INSC: variants seen among roughly 807,000 people sequenced by gnomAD.
The protein encoded by INSC is INSC spindle orientation adaptor protein.
INSC carries 67 observed loss-of-function variants against 58.6 expected under a neutral mutation model. The observed-to-expected ratio is 1.14, with a 90% CI of 0.94 to 1.40. The LOEUF (loss-of-function observed/expected upper bound fraction) is 1.40, where lower values mean the gene tolerates loss of function less well. INSC is among the 40% of genes most tolerant of loss of function. The pLI is 0.00. For missense variants in INSC, 714 were observed against 692.0 expected (o/e 1.03, Z -0.36); for synonymous variants, 262 against 276.1 (o/e 0.95, Z 0.51).
At chr11:15,112,125 A>G (rs1380666909), upstream of INSC, among the ~76,000 whole-genome samples, 2 of 152,222 alleles carry the variant, frequency 1.3e-5, no homozygotes, top group Non-Finnish European at 2.9e-5. Flanking sequence ...GTGTGTTTAT[A>G]TAGCCAGACA....
chr11:15,257,098 T>C, the INSC span, among the ~76,000 whole-genome samples: 2 of 152,214 alleles, frequency 1.3e-5, no homozygotes, highest in Non-Finnish European at 2.9e-5. Context: ...TCCTTAATGA[T>C]AGAACCTGCT....
chr11:15,243,491 G>A (rs899366476), intron 12 of INSC, among the ~76,000 whole-genome samples: 2 of 152,158 alleles, frequency 1.3e-5, no homozygotes, highest in African/African-American at 4.8e-5. Context: ...ATGACTAGCT[G>A]TTTAACCCTC....
At chr11:15,240,589 A>T in intron 12 of INSC, 66 bp downstream of exon 12, 1 of 1,367,146 alleles carries the variant, frequency 7.3e-7, no homozygotes. Flanking sequence ...GGGCCAGGAG[A>T]ACCGGCTGTG....
Position 15,245,908 on chromosome 11 carries a change from C to T in INSC, c.1471-4C>T, listed in dbSNP as rs755363367. On this transcript the variant is annotated splice_polypyrimidine_tract_variant and splice_region_variant and intron_variant, in intron 12 of 12. Coordinates refer to ENST00000379556, the MANE Select transcript of INSC (RefSeq NM_001042536.3). ...ACGTGTCACCTCTTCTGTCTTCTCC[C>T]CAGGCTGCTCTGCGTAGATTGGCTG... 2 of 1,613,808 alleles carry T rather than the reference C, an allele frequency of 1.2e-6. No homozygotes were observed. The highest frequency in any genetic ancestry group is 3.3e-5 in the Admixed American group (2 of 60,010).
At chr11:15,120,257 G>A (rs1352944857) in intron 1 of INSC, among the ~76,000 whole-genome samples, 2 of 152,188 alleles carry the variant, frequency 1.3e-5, no homozygotes, top group African/African-American at 4.8e-5. Flanking sequence ...TGCTGTGCCA[G>A]GGTCTGTGCA....
At chr11:15,202,092 A>AT (rs1850615899) in intron 7 of INSC, among the ~76,000 whole-genome samples, 1 of 152,222 alleles carries the variant, frequency 6.6e-6, no homozygotes, top group Non-Finnish European at 1.5e-5. Flanking sequence ...CATTTTACAG[A>AT]TGACAAGGCT....
At chr11:15,160,230 C>T (rs1848969837) in intron 2 of INSC, among the ~76,000 whole-genome samples, 1 of 152,136 alleles carries the variant, frequency 6.6e-6, no homozygotes, top group Non-Finnish European at 1.5e-5. Flanking sequence ...CAAAGGACTC[C>T]TTCAGAAGAG....
At chr11:15,168,900 ATG>A (rs1849295114) in intron 2 of INSC, among the ~76,000 whole-genome samples, 1 of 152,154 alleles carries the variant, frequency 6.6e-6, no homozygotes, top group African/African-American at 2.4e-5. Context: ...CAATATTATG[ATG>A]TGTTCACTTC....
chr11:15,212,112 T>G (rs1035261742), intron 7 of INSC, among the ~76,000 whole-genome samples: 3 of 152,222 alleles, frequency 2.0e-5, no homozygotes, highest in African/African-American at 7.2e-5. Flanking sequence ...GACATAGTTT[T>G]TTTTTTGGAG....
chr11:15,169,186 C>G (rs964346948), intron 2 of INSC, among the ~76,000 whole-genome samples: 2 of 66,902 alleles, frequency 3.0e-5, no homozygotes, highest in African/African-American at 7.9e-5. Context: ...CATGAGGGGC[C>G]TCAGAGGGAG....
At chr11:15,236,112 A>G (rs552044928) in intron 10 of INSC, among the ~76,000 whole-genome samples, 1 of 151,310 alleles carries the variant, frequency 6.6e-6, no homozygotes, top group African/African-American at 2.4e-5. Context: ...GCCTGAGCAT[A>G]TATGTGTGTG....
intron 8 of INSC, 109 bp from the exon 9 acceptor site, chr11:15,225,540 AT>A: frequency 2.7e-6 from 3 of 1,105,396 alleles, no homozygotes; most frequent in Non-Finnish European, 3.8e-6. Context: ...TAAAATGGGT[AT>A]TATAACACCT....
chr11:15,199,825 C>A (rs1028019992), intron 6 of INSC, among the ~76,000 whole-genome samples: 8 of 152,308 alleles, frequency 5.3e-5, no homozygotes, highest in Middle Eastern at 6.8e-3. Context: ...AGGGAAAGAT[C>A]TGGGCAAAGC....
intron 10 of INSC, among the ~76,000 whole-genome samples, chr11:15,238,025 G>C (rs1852196756): frequency 6.6e-6 from 1 of 152,156 alleles, no homozygotes; most frequent in South Asian, 2.1e-4. Flanking sequence ...GTGCAGAAGA[G>C]GGGAGTGTGG....
At position 15,182,280 on chromosome 11, in the gene INSC, A is replaced by G. The variant is rs150275713; in HGVS notation, c.579+3833A>G. Among the ~76,000 whole-genome samples, 300 of 152,288 alleles carry G rather than the reference A, an allele frequency of 2.0e-3. 2 individuals are homozygous for G. The highest frequency in any genetic ancestry group is 6.6e-3 in the African/African-American group (273 of 41,564). On this transcript the variant is annotated intron_variant, in intron 5 of 12. Transcript: ENST00000379556. ...ATCCTTAGGGTTGCCAAAGGCCTTAACAGATACATGCTCATCTGTAGCCAA... is the reference window on the plus strand; with the variant it reads ...ATCCTTAGGGTTGCCAAAGGCCTTAGCAGATACATGCTCATCTGTAGCCAA...
At chr11:15,212,117 T>C (rs189004200) in intron 7 of INSC, among the ~76,000 whole-genome samples, 85 of 152,304 alleles carry the variant, frequency 5.6e-4, no homozygotes, top group Admixed American at 4.1e-3. Flanking sequence ...AGTTTTTTTT[T>C]TGGAGATGGA....
intron 3 of INSC, among the ~76,000 whole-genome samples, chr11:15,176,626 C>T (rs552640414): frequency 3.9e-5 from 6 of 152,234 alleles, no homozygotes; most frequent in African/African-American, 7.2e-5. Context: ...TTTAAAGTTA[C>T]GCAGTGAATG....
At chr11:15,227,189 T>C (rs1424512639) in intron 9 of INSC, among the ~76,000 whole-genome samples, 1 of 152,228 alleles carries the variant, frequency 6.6e-6, no homozygotes, top group Non-Finnish European at 1.5e-5. Context: ...ACTTAGAACT[T>C]GATCTTTGAC....
intron 1 of INSC, among the ~76,000 whole-genome samples, chr11:15,117,935 T>C (rs1847772357): frequency 2.0e-5 from 3 of 152,046 alleles, no homozygotes; most frequent in Admixed American, 1.3e-4. Context: ...CTGCTCCGAG[T>C]GTTTCAGCTG....
Sources: allele counts gnomAD v4.1 joint callset (sites outside exome capture counted in the v4.1 genomes callset), GRCh38; gene constraint gnomAD v4.1.1; transcripts MANE v1.5; gene names NCBI Gene and HGNC (gene_info 2026-07-23, HGNC 2026-07-21).